The following OSBP2 variants were observed in gnomAD, a reference collection of about 807,000 sequenced individuals.
The protein encoded by OSBP2 is oxysterol binding protein 2.
In OSBP2, 66 loss-of-function variants were observed where a neutral mutation model predicts 96.0. The observed-to-expected ratio is 0.69, with a 90% CI of 0.56 to 0.84. The LOEUF is 0.84. Among genes scored for constraint, OSBP2 ranks in the 40% least tolerant of loss-of-function variants. The pLI, the probability that OSBP2 is intolerant of heterozygous loss-of-function variation, is 0.00. For missense variants in OSBP2, 1,038 were observed against 1,222.7 expected (o/e 0.85, Z 2.25); for synonymous variants, 525 against 520.9 (o/e 1.01, Z -0.11).
chr22:30,772,029 C>T (rs1013558735), intron 2 of OSBP2, among the ~76,000 whole-genome samples: 2 of 152,200 alleles, frequency 1.3e-5, no homozygotes, highest in Non-Finnish European at 2.9e-5. Context: ...CAGGTGACAG[C>T]AGAGAAGGGT....
intron 2 of OSBP2, among the ~76,000 whole-genome samples, chr22:30,768,206 A>G (rs2090301949): frequency 6.6e-6 from 1 of 152,150 alleles, no homozygotes; most frequent in Non-Finnish European, 1.5e-5. Flanking sequence ...TGGGGGTGAC[A>G]GCATTTGTTC....
At chr22:30,874,128 T>C (rs2039523351) in intron 3 of OSBP2, among the ~76,000 whole-genome samples, 1 of 152,156 alleles carries the variant, frequency 6.6e-6, no homozygotes, top group Non-Finnish European at 1.5e-5. Flanking sequence ...TCTCAGCTAC[T>C]TAGGAGGCTA....
chr22:30,807,419 G>A (rs1356260619), intron 2 of OSBP2, among the ~76,000 whole-genome samples: 11 of 152,188 alleles, frequency 7.2e-5, no homozygotes, highest in Non-Finnish European at 1.5e-5. Context: ...GTCCCTTGTA[G>A]ACTTGCCCCT....
At chr22:30,812,765 C>A (rs1417897018) in intron 2 of OSBP2, among the ~76,000 whole-genome samples, 1 of 152,122 alleles carries the variant, frequency 6.6e-6, no homozygotes, top group African/African-American at 2.4e-5. Flanking sequence ...TCCACAGAGG[C>A]GACCCCATCA....
intron 2 of OSBP2, among the ~76,000 whole-genome samples, chr22:30,762,806 C>T (rs946180050): frequency 3.3e-5 from 5 of 152,142 alleles, no homozygotes; most frequent in African/African-American, 1.2e-4. Flanking sequence ...GATGTTTGCT[C>T]CCAGGTGTTT....
intron 1 of OSBP2, among the ~76,000 whole-genome samples, chr22:30,722,672 T>C (rs989581220): frequency 2.0e-5 from 3 of 151,678 alleles, no homozygotes; most frequent in African/African-American, 7.3e-5. Context: ...TCTCTTTTTC[T>C]CTTTCTTTCT....
intron 1 of OSBP2, among the ~76,000 whole-genome samples, chr22:30,737,903 G>T (rs918960058): frequency 4.0e-5 from 6 of 151,882 alleles, no homozygotes; most frequent in Non-Finnish European, 7.4e-5. Flanking sequence ...TAGTAGAGAC[G>T]GGGTTTCACT....
Position 30,741,203 on chromosome 22 carries a change from C to G in OSBP2, c.687C>G (p.Asn229Lys). ...EMAHTCRGTI[N>K]LSTAHIDTED... The stretch of plus-strand genomic sequence containing the variant: ...CCCACACGTGCCGTGGAACCATCAA[C>G]CTGTCCACCGCGCACATTGACACGG... The change falls in exon 2 of 14, where the codon AAC (asparagine) becomes AAG (lysine). Residue 229 changes from asparagine to lysine, a missense_variant. This residue lies in a region of OSBP2 where 281 missense variants were observed against 273.4 expected (regional missense o/e 1.03). Coordinates refer to ENST00000332585, the MANE Select transcript of OSBP2 (RefSeq NM_030758.4). 3 of 1,614,200 alleles carry G rather than the reference C, an allele frequency of 1.9e-6. No homozygotes were observed. Among genetic ancestry groups the G allele is most frequent in the Non-Finnish European group, 2.5e-6 (3 of 1,180,038 alleles).
chr22:30,791,996 A>C (rs2090682312), intron 2 of OSBP2, among the ~76,000 whole-genome samples: 2 of 152,186 alleles, frequency 1.3e-5, no homozygotes, highest in African/African-American at 4.8e-5. Flanking sequence ...GAAAAAACAA[A>C]GTATTTAGGA....
At chr22:30,846,036 A>C (rs1006979243) in intron 2 of OSBP2, among the ~76,000 whole-genome samples, 4 of 152,074 alleles carry the variant, frequency 2.6e-5, no homozygotes, top group African/African-American at 7.2e-5. Flanking sequence ...TTGTGTGGAT[A>C]TATGTTTTCA....
At position 30,695,060 on chromosome 22, in the gene OSBP2, A is replaced by C. The variant is rs2089001043; in HGVS notation, c.151A>C (p.Lys51Gln). 1 of 1,588,532 alleles carries C rather than the reference A, an allele frequency of 6.3e-7. No individual in the cohort carries two copies. Among genetic ancestry groups the C allele is most frequent in the Non-Finnish European group, 8.6e-7 (1 of 1,169,480 alleles). The change falls in exon 1 of 14, where the codon AAG becomes CAG. Residue 51 changes from lysine (K) to glutamine (Q), a missense_variant. Physicochemically the swap from Lys to Gln is moderately conservative, Grantham distance 53. Around this residue, in one of 3 missense-constraint regions of OSBP2, gnomAD observed 281 missense variants for 273.4 expected, o/e 1.03. Transcript: ENST00000332585. ...CACGTCCGGCTCCGGGCCGGAGCCCAAGCCCCAGCCCCAGCCCGTGCCCGA... is the reference window on the plus strand; with the variant it reads ...CACGTCCGGCTCCGGGCCGGAGCCCCAGCCCCAGCCCCAGCCCGTGCCCGA... ...ASTSGSGPEP[K>Q]PQPQPVPEPE... is the part of the protein sequence containing the mutation.
intron 2 of OSBP2, among the ~76,000 whole-genome samples, chr22:30,771,264 C>A (rs1453047820): frequency 6.6e-6 from 1 of 152,184 alleles, no homozygotes; most frequent in Non-Finnish European, 1.5e-5. Context: ...CTCAGACCCT[C>A]CTCTGGAGGG....
chr22:30,887,714 T>G, intron 4 of OSBP2, 96 bp downstream of exon 4: 1 of 1,103,660 alleles, frequency 9.1e-7, no homozygotes, highest in Non-Finnish European at 1.3e-6. Flanking sequence ...TCCCTGGCTG[T>G]GCCCACATGT....
At chr22:30,781,110 G>C (rs571223655) in intron 2 of OSBP2, among the ~76,000 whole-genome samples, 1 of 151,768 alleles carries the variant, frequency 6.6e-6, no homozygotes, top group East Asian at 1.9e-4. Flanking sequence ...CAAGTAGCTG[G>C]GATTACAGGC....
chr22:30,746,289 T>C (rs1167657232), intron 2 of OSBP2, among the ~76,000 whole-genome samples: 1 of 151,908 alleles, frequency 6.6e-6, no homozygotes, highest in East Asian at 1.9e-4. Flanking sequence ...CCAGGCATGA[T>C]AGCACATGCC....
intron 2 of OSBP2, among the ~76,000 whole-genome samples, chr22:30,825,760 C>A (rs890123305): frequency 6.6e-6 from 1 of 152,168 alleles, no homozygotes; most frequent in Non-Finnish European, 1.5e-5. Flanking sequence ...CTTGGGCAGG[C>A]CCTGACCATA....
intron 2 of OSBP2, among the ~76,000 whole-genome samples, chr22:30,757,456 C>T (rs775171170): frequency 1.3e-5 from 2 of 151,536 alleles, no homozygotes; most frequent in African/African-American, 2.4e-5. Context: ...GAGTCTCTGT[C>T]GCCCAAGCTG....
intron 2 of OSBP2, among the ~76,000 whole-genome samples, chr22:30,787,281 C>T (rs2090604324): frequency 6.6e-6 from 1 of 152,162 alleles, no homozygotes; most frequent in Non-Finnish European, 1.5e-5. Flanking sequence ...ACACATTCTT[C>T]TTAACATGGC....
intron 2 of OSBP2, among the ~76,000 whole-genome samples, chr22:30,799,796 A>G (rs2090824707): frequency 6.6e-6 from 1 of 152,230 alleles, no homozygotes; most frequent in Admixed American, 6.5e-5. Context: ...TACTGTGGCA[A>G]GAATAGGCCA....
Sources: gnomAD v4.1 joint callset for allele counts (sites outside exome capture counted in the v4.1 genomes callset) on GRCh38, gnomAD v4.1.1 for gene constraint, gnomAD v4.1.1 regional missense constraint, MANE v1.5 for transcripts, NCBI Gene and HGNC (gene_info 2026-07-23, HGNC 2026-07-21) for gene names.